The following KLHL5 variants were observed in gnomAD, a reference collection of about 807,000 sequenced individuals.
KLHL5 encodes the protein kelch like family member 5, also known as kelch-like protein 5.
Under a neutral mutation model 77.7 loss-of-function variants are expected in KLHL5, and 48 were observed. The ratio of observed to expected loss-of-function variants is 0.62; its 90% CI spans 0.49 to 0.79. The LOEUF is 0.79. KLHL5 is among the 30% of genes least tolerant of loss of function. The pLI is 0.00. For synonymous variants in KLHL5, 260 were observed against 297.0 expected, an observed-to-expected ratio of 0.88 and a Z score of 1.28; for missense variants, 723 against 859.7, an observed-to-expected ratio of 0.84 and a Z score of 1.99.
At chr4:39,133,010 A>G in the KLHL5 span, among the ~76,000 whole-genome samples, 1 of 152,186 alleles carries the variant, frequency 6.6e-6, no homozygotes, top group African/African-American at 2.4e-5. Flanking sequence ...AATCAAAACC[A>G]CAGTCCATCC....
intron 7 of KLHL5, among the ~76,000 whole-genome samples, chr4:39,107,055 T>TTTTC (rs1722092430): frequency 1.4e-5 from 2 of 145,082 alleles, no homozygotes; most frequent in Admixed American, 6.9e-5. Flanking sequence ...TTTTTCTTTT[T>TTTTC]TTTTTTTTTT....
intron 7 of KLHL5, among the ~76,000 whole-genome samples, chr4:39,107,274 C>T (rs78301415): frequency 0.017 from 2,629 of 152,090 alleles, 73 homozygotes; most frequent in East Asian, 0.13. Flanking sequence ...TCTCAAACTC[C>T]TGACCTCAAG....
At chr4:39,126,414 G>A (rs1723546496), downstream of KLHL5, among the ~76,000 whole-genome samples, 1 of 152,094 alleles carries the variant, frequency 6.6e-6, no homozygotes, top group South Asian at 2.1e-4. Flanking sequence ...GGAGAGTACC[G>A]TGTTTTTTTG....
chr4:39,047,660 T>C (rs1716300713), intron 1 of KLHL5, among the ~76,000 whole-genome samples: 2 of 152,240 alleles, frequency 1.3e-5, no homozygotes, highest in Non-Finnish European at 2.9e-5. Flanking sequence ...GAAGGACCTC[T>C]AGGGCACCTT....
At chr4:39,090,326 C>G (rs1720411550) in intron 5 of KLHL5, among the ~76,000 whole-genome samples, 1 of 152,082 alleles carries the variant, frequency 6.6e-6, no homozygotes, top group South Asian at 2.1e-4. Flanking sequence ...CTTACCCTAG[C>G]TAGAAGGGAT....
At position 39,106,067 on chromosome 4, in the gene KLHL5, C is replaced by T. The variant is rs546007444; in HGVS notation, c.1526-1502C>T. Among the ~76,000 whole-genome samples the T allele has an allele frequency of 2.6e-5, 4 of 152,214 alleles. No individual in the cohort carries two copies. The East Asian group carries it at 7.7e-4, about 29-fold the overall frequency. On this transcript the variant is annotated intron_variant, in intron 7 of 10. Coordinates refer to ENST00000504108, the MANE Select transcript of KLHL5 (RefSeq NM_015990.5). ...TTCAGAATAAGATCCGAAGTCCTTA[C>T]AAGAGATAAGATCAGAGTCCTTATC...
intron 4 of KLHL5, among the ~76,000 whole-genome samples, chr4:39,084,807 ATAT>A (rs1355314262): frequency 1.3e-5 from 2 of 152,192 alleles, no homozygotes; most frequent in African/African-American, 4.8e-5. Context: ...TTGGAAATAT[ATAT>A]TATTATTTCA....
chr4:39,112,989 T>C (rs769254013), intron 8 of KLHL5, 31 bp from the exon 9 acceptor site: 1 of 1,586,328 alleles, frequency 6.3e-7, no homozygotes, highest in Non-Finnish European at 8.6e-7. Flanking sequence ...GGCACATGTC[T>C]TATTTATCAT....
intron 1 of KLHL5, among the ~76,000 whole-genome samples, chr4:39,048,340 CA>C (rs1275583077): frequency 6.6e-6 from 1 of 152,156 alleles, no homozygotes; most frequent in Non-Finnish European, 1.5e-5. Flanking sequence ...TAGTGCTATA[CA>C]AAATGATACC....
Position 39,112,495 on chromosome 4 carries a change from T to C in KLHL5, c.1689-525T>C, listed in dbSNP as rs913346281. Among the ~76,000 whole-genome samples the C allele has an allele frequency of 2.6e-5, 4 of 152,208 alleles. No homozygotes were observed. The East Asian group carries it at 5.8e-4, about 22-fold the overall frequency. On this transcript the variant is annotated intron_variant, in intron 8 of 10. Transcript: ENST00000504108. ...TACTGGGTGACCCTGTGCAAGTCTCTTACTCTCTGTGAACCCTTGTTTCTT... is the reference window on the plus strand; with the variant it reads ...TACTGGGTGACCCTGTGCAAGTCTCCTACTCTCTGTGAACCCTTGTTTCTT...
chr4:39,075,052 G>T (rs1193241339), intron 1 of KLHL5, among the ~76,000 whole-genome samples: 1 of 151,974 alleles, frequency 6.6e-6, no homozygotes, highest in Non-Finnish European at 1.5e-5. Context: ...GAACATACAG[G>T]TGGGTGCGGT....
chr4:39,085,530 G>A (rs895241775), intron 4 of KLHL5, among the ~76,000 whole-genome samples: 1 of 152,190 alleles, frequency 6.6e-6, no homozygotes, highest in African/African-American at 2.4e-5. Context: ...GACAATATGT[G>A]TCTAGTATTT....
intron 10 of KLHL5, among the ~76,000 whole-genome samples, chr4:39,118,989 T>A (rs1157578513): frequency 1.3e-5 from 2 of 152,172 alleles, no homozygotes; most frequent in Non-Finnish European, 2.9e-5. Context: ...GGAAATTAGA[T>A]GATTACCTAA....
In KLHL5 at chr4:39,113,124, G is replaced by GGA; in HGVS notation, c.1797_1798dup (p.Gly600GlufsTer4). 6.2e-7 allele frequency: 1 copy of GGA among 1,614,144 alleles called. No homozygotes were observed. Among genetic ancestry groups the GGA allele is most frequent in the Non-Finnish European group, 8.5e-7 (1 of 1,179,996 alleles). On this transcript the variant is annotated frameshift_variant, in exon 9 of 11. Coordinates refer to ENST00000504108, the MANE Select transcript of KLHL5 (RefSeq NM_015990.5). LOFTEE classifies it high-confidence loss of function. ...ACACTGTGTGCACAGATGTCAAAAAGGAGAGGTGGCGTAGGAGTGACGACC... is the reference window on the plus strand; with the variant it reads ...ACACTGTGTGCACAGATGTCAAAAAGGAGAGAGGTGGCGTAGGAGTGACGACC...
chr4:39,082,964 G>A (rs970621013), intron 4 of KLHL5, among the ~76,000 whole-genome samples: 1 of 152,142 alleles, frequency 6.6e-6, no homozygotes, highest in Non-Finnish European at 1.5e-5. Context: ...TGACTGAAGA[G>A]TGTTGCTTTA....
Position 39,081,007 on chromosome 4 carries a change from A to G in KLHL5, c.567-96A>G. ...TAAAATGCATTTCCTAGTACCATGCACTGTGAGTAACAAATAAAAAAGAAG... is the reference window on the plus strand; with the variant it reads ...TAAAATGCATTTCCTAGTACCATGCGCTGTGAGTAACAAATAAAAAAGAAG... On this transcript the variant is annotated intron_variant, in intron 2 of 10. Transcript: ENST00000504108. The surrounding 1 kb of genome is among the most constrained non-coding windows in gnomAD (Gnocchi z 4.3). The G allele has an allele frequency of 8.1e-7, 1 of 1,227,796 alleles. No homozygotes were observed. Among genetic ancestry groups the G allele is most frequent in the Non-Finnish European group, 1.1e-6 (1 of 870,810 alleles). The allele number at this position is 1,227,796 out of a possible 1,614,324, so 76.1% of individuals were successfully genotyped here.
At chr4:39,072,300 G>A (rs558924960) in intron 1 of KLHL5, among the ~76,000 whole-genome samples, 6 of 152,198 alleles carry the variant, frequency 3.9e-5, no homozygotes, top group Admixed American at 1.3e-4. Context: ...GCATTAGATC[G>A]TTTAATAATC....
chr4:39,069,800 T>C, intron 1 of KLHL5, among the ~76,000 whole-genome samples: 1 of 152,080 alleles, frequency 6.6e-6, no homozygotes, highest in East Asian at 1.9e-4. Context: ...GGACTCGTGG[T>C]TGAAAATGAC....
At chr4:39,137,552 C>T in the KLHL5 span, among the ~76,000 whole-genome samples, 3 of 152,170 alleles carry the variant, frequency 2.0e-5, no homozygotes, top group Admixed American at 1.3e-4. Flanking sequence ...CCCAGGAGGT[C>T]GAGGCTGCAG....
Sources: gnomAD v4.1 joint callset for allele counts (sites outside exome capture counted in the v4.1 genomes callset) on GRCh38, gnomAD v4.1.1 for gene constraint, Gnocchi (gnomAD v3.1) non-coding constraint, MANE v1.5 for transcripts, NCBI Gene and HGNC (gene_info 2026-07-23, HGNC 2026-07-21) for gene names.